Variants in ARHGAP44 observed in about 807,000 individuals in gnomAD.
The protein encoded by ARHGAP44 is Rho GTPase activating protein 44.
A neutral mutation model predicts 106.8 loss-of-function variants in ARHGAP44; 43 were observed. The observed-to-expected ratio is 0.40, with a 90% CI of 0.32 to 0.52. The LOEUF (loss-of-function observed/expected upper bound fraction) is 0.52. ARHGAP44 is among the 20% of genes least tolerant of loss of function. The pLI, the probability that ARHGAP44 is intolerant of heterozygous loss-of-function variation, is 0.48. For synonymous variants in ARHGAP44, 439 were observed against 410.3 expected, an observed-to-expected ratio of 1.07 and a Z score of -0.85; for missense variants, 866 against 1,050.5, an observed-to-expected ratio of 0.82 and a Z score of 2.43.
chr17:12,898,356 T>C (rs963372123), intron 3 of ARHGAP44, among the ~76,000 whole-genome samples: 2 of 152,188 alleles, frequency 1.3e-5, no homozygotes, highest in African/African-American at 4.8e-5. Context: ...GTGAGTTGTT[T>C]ACTATTTCTA....
At chr17:12,972,469 T>G (rs9911789) in intron 16 of ARHGAP44, among the ~76,000 whole-genome samples, 25 of 151,118 alleles carry the variant, frequency 1.7e-4, no homozygotes, top group Non-Finnish European at 3.2e-4. Context: ...CCAAGATGGT[T>G]AAACCCTGTC....
chr17:12,884,724 G>A (rs74540307), intron 1 of ARHGAP44, among the ~76,000 whole-genome samples: 3 of 152,094 alleles, frequency 2.0e-5, no homozygotes, highest in East Asian at 1.9e-4. Context: ...CACCCACTGC[G>A]CTGCTTTCCG....
chr17:12,804,770 T>C (rs563126412), intron 1 of ARHGAP44, among the ~76,000 whole-genome samples: 5 of 152,244 alleles, frequency 3.3e-5, no homozygotes, highest in Non-Finnish European at 7.3e-5. Context: ...GGTATAAAAC[T>C]TGGTGTATTG....
chr17:12,834,784 A>G (rs1020116195), intron 1 of ARHGAP44, among the ~76,000 whole-genome samples: 1 of 152,224 alleles, frequency 6.6e-6, no homozygotes, highest in Non-Finnish European at 1.5e-5. Flanking sequence ...ATCAGTGGGA[A>G]ATAGAAAATT....
Position 12,986,823 on chromosome 17 carries a change from A to G in ARHGAP44, c.2317+1915A>G. 1.1e-5 allele frequency: 4 copies of G among 349,368 alleles called. No homozygotes were observed. The East Asian group carries it at 1.8e-4, about 16-fold the overall frequency. 21.6% of individuals were successfully genotyped at this position (349,368 alleles called of 1,614,324 possible). ...GCACCCCCAGGGCTCTAAGAAGCGGAGTGGCTCATGTTCCATCTTGCAGGT... is the reference window on the plus strand; with the variant it reads ...GCACCCCCAGGGCTCTAAGAAGCGGGGTGGCTCATGTTCCATCTTGCAGGT... On this transcript the variant is annotated intron_variant, in intron 20 of 20. Coordinates refer to ENST00000379672, the MANE Select transcript of ARHGAP44 (RefSeq NM_014859.6).
Position 12,990,437 on chromosome 17 carries a change from T to C in ARHGAP44, c.*266T>C, listed in dbSNP as rs529912483. 24 of 406,826 alleles carry C rather than the reference T, an allele frequency of 5.9e-5. No homozygotes were observed. The highest frequency in any genetic ancestry group is 2.5e-4 in the Admixed American group (7 of 28,500). 25.2% of individuals were successfully genotyped at this position (406,826 alleles called of 1,614,324 possible). The stretch of plus-strand genomic sequence containing the variant: ...GACTTTGTGCCTCTTTTGATCCACT[T>C]TCAGCCTCCATGCCAGAAAACACCC... On this transcript the variant is annotated 3_prime_UTR_variant, in exon 21 of 21. Transcript: ENST00000379672.
rs1342653736 is a variant in ARHGAP44 at position 12,789,566 on chromosome 17, C to G, written c.-273C>G. 4.2e-6 allele frequency: 1 copy of G among 236,780 alleles called. No homozygotes were observed. Among genetic ancestry groups the G allele is most frequent in the Non-Finnish European group, 8.1e-6 (1 of 123,146 alleles). 14.7% of individuals were successfully genotyped at this position (236,780 alleles called of 1,614,324 possible). ...CTGGGAGCAGGCAGCCCGGGCGGAG[C>G]GGGCCGGTGCCGAGGACGGCCCCAG... On this transcript the variant is annotated 5_prime_UTR_variant, in exon 1 of 21. Coordinates refer to ENST00000379672, the MANE Select transcript of ARHGAP44 (RefSeq NM_014859.6).
intron 20 of ARHGAP44, among the ~76,000 whole-genome samples, chr17:12,989,156 C>T (rs902933579): frequency 9.1e-5 from 13 of 143,128 alleles, no homozygotes; most frequent in Non-Finnish European, 1.1e-4. Context: ...GACAGCATGA[C>T]GAGAGTAAAG....
At chr17:12,888,674 A>G (rs2150909431) in intron 1 of ARHGAP44, among the ~76,000 whole-genome samples, 1 of 152,234 alleles carries the variant, frequency 6.6e-6, no homozygotes, top group East Asian at 1.9e-4. Flanking sequence ...TTAATTATTG[A>G]GAGAGAAGGT....
intron 7 of ARHGAP44, among the ~76,000 whole-genome samples, chr17:12,934,514 C>A: frequency 6.6e-6 from 1 of 152,280 alleles, no homozygotes; most frequent in East Asian, 1.9e-4. Flanking sequence ...GAAGCATTTA[C>A]GTTACTTCAG....
chr17:12,982,838 GAC>G (rs2039865253), intron 19 of ARHGAP44: 1 of 151,884 alleles, frequency 6.6e-6, no homozygotes, highest in Admixed American at 6.6e-5. Context: ...ACTGCAGACT[GAC>G]ACACCCAGAG....
chr17:12,980,172 G>A lies in ARHGAP44; in HGVS notation c.1878G>A (p.Pro626=), dbSNP rs769221429. 1.2e-5 allele frequency: 19 copies of A among 1,612,978 alleles called. No individual in the cohort carries two copies. Among genetic ancestry groups the A allele is most frequent in the African/African-American group, 8.0e-5 (6 of 74,636 alleles). ...TQPGAQPGAQ[P]GASPSPSQPP... ...CAGGGGCTCAACCTGGAGCTCAGCCGGGCGCCAGCCCCAGCCCCAGCCAGC... is the reference window on the plus strand; with the variant it reads ...CAGGGGCTCAACCTGGAGCTCAGCCAGGCGCCAGCCCCAGCCCCAGCCAGC... The change falls in exon 19 of 21, where the codon CCG becomes CCA. Residue 626 remains proline, a synonymous_variant. Coordinates refer to ENST00000379672, the MANE Select transcript of ARHGAP44 (RefSeq NM_014859.6).
chr17:12,855,541 T>C (rs1253704069), intron 1 of ARHGAP44, among the ~76,000 whole-genome samples: 1 of 151,958 alleles, frequency 6.6e-6, no homozygotes, highest in Non-Finnish European at 1.5e-5. Context: ...TTTTTACAAC[T>C]AATTTAATTC....
rs1418815203 is a variant in ARHGAP44, at chr17:12,958,290, C to G, written c.1343-427C>G. ...CATCATCTATAAATATTAATATTGC[C>G]TCTTATTTTATTTTCTTGACTAATT... On this transcript the variant is annotated intron_variant, in intron 15 of 20. Coordinates refer to ENST00000379672, the MANE Select transcript of ARHGAP44 (RefSeq NM_014859.6). The surrounding 1 kb of genome is among the most constrained non-coding windows in gnomAD (Gnocchi z 4.1). Among the ~76,000 whole-genome samples the G allele has an allele frequency of 6.6e-6, 1 of 152,028 alleles. No homozygotes were observed. The highest frequency in any genetic ancestry group is 1.5e-5 in the Non-Finnish European group (1 of 68,006).
chr17:12,944,187 G>T lies in ARHGAP44; in HGVS notation c.852G>T (p.Met284Ile). Reference protein sequence around the residue: ...ACVTMLLECGMQEEGLFRVAP... With the variant: ...ACVTMLLECGIQEEGLFRVAP... ...TGACCATGCTGCTTGAGTGTGGGAT[G>T]CAGGAGGAGGTAGGTCTGAGCACAG... is the stretch of plus-strand genomic sequence containing the variant. Residue 284 changes from methionine (M) to isoleucine (I), a missense_variant, in exon 10 of 21, where the codon ATG becomes ATT. Met to Ile is a conservative substitution (Grantham distance 10). This residue lies in a region of ARHGAP44 where 448 missense variants were observed against 646.9 expected (regional missense o/e 0.69). Transcript: ENST00000379672. The T allele has an allele frequency of 6.2e-7, 1 of 1,609,814 alleles. No homozygotes were observed. The highest frequency in any genetic ancestry group is 8.5e-7 in the Non-Finnish European group (1 of 1,178,720).
intron 12 of ARHGAP44, among the ~76,000 whole-genome samples, chr17:12,950,052 T>G (rs2038955854): frequency 6.6e-6 from 1 of 152,132 alleles, no homozygotes; most frequent in South Asian, 2.1e-4. Flanking sequence ...CTAACATAAA[T>G]AGATAATGAA....
At chr17:12,972,373 C>T (rs2039548075) in intron 16 of ARHGAP44, among the ~76,000 whole-genome samples, 1 of 152,098 alleles carries the variant, frequency 6.6e-6, no homozygotes, top group South Asian at 2.1e-4. Flanking sequence ...TAAGGCCAGG[C>T]GTGGTGGCTC....
chr17:12,834,040 C>T (rs1370050275), intron 1 of ARHGAP44, among the ~76,000 whole-genome samples: 1 of 152,004 alleles, frequency 6.6e-6, no homozygotes, highest in Non-Finnish European at 1.5e-5. Flanking sequence ...TCCAGCTCCC[C>T]CTTCCCATCA....
intron 3 of ARHGAP44, among the ~76,000 whole-genome samples, chr17:12,906,276 C>G (rs2037542914): frequency 1.3e-5 from 2 of 152,130 alleles, no homozygotes; most frequent in African/African-American, 4.8e-5. Context: ...CTCCACACAC[C>G]AAGCAGTTCC....
Sources: gnomAD v4.1 joint callset for allele counts (sites outside exome capture counted in the v4.1 genomes callset) on GRCh38, gnomAD v4.1.1 for gene constraint, gnomAD v4.1.1 regional missense constraint, Gnocchi (gnomAD v3.1) non-coding constraint, MANE v1.5 for transcripts, NCBI Gene and HGNC (gene_info 2026-07-23, HGNC 2026-07-21) for gene names.